PPP2R3B: variants seen among roughly 807,000 people sequenced by gnomAD.
The protein encoded by PPP2R3B is protein phosphatase 2 regulatory subunit B''beta.
In PPP2R3B, 68 loss-of-function variants were observed where a neutral mutation model predicts 72.9. That is an observed-to-expected ratio of 0.93 (90% CI 0.77 to 1.14). The LOEUF is 1.14. Ranked by LOEUF, PPP2R3B falls within the 50% of genes most tolerant of loss-of-function variation. The pLI, the probability that PPP2R3B is intolerant of heterozygous loss-of-function variation, is 0.00. For missense variants in PPP2R3B, 1,018 were observed against 842.0 expected (o/e 1.21, Z -2.59); for synonymous variants, 466 against 375.8 (o/e 1.24, Z -2.78).
intron 1 of PPP2R3B, among the ~76,000 whole-genome samples, chrX:369,884 G>C (rs867186701): frequency 6.6e-6 from 1 of 152,228 alleles, no homozygotes; most frequent in Non-Finnish European, 1.5e-5. Flanking sequence ...AGCGGGAGGC[G>C]GAAGCACGGG....
At chrX:359,354 G>A (rs1481150782) in intron 2 of PPP2R3B, among the ~76,000 whole-genome samples, 1 of 152,186 alleles carries the variant, frequency 6.6e-6, no homozygotes, top group Non-Finnish European at 1.5e-5. Flanking sequence ...GAGTCTGCCA[G>A]GGCACGGAGC....
intron 2 of PPP2R3B, among the ~76,000 whole-genome samples, chrX:355,713 T>C (rs985258501): frequency 6.6e-6 from 1 of 151,798 alleles, no homozygotes; most frequent in African/African-American, 2.4e-5. Flanking sequence ...TTTCCCATAA[T>C]AAAAAAAAGT....
intron 2 of PPP2R3B, among the ~76,000 whole-genome samples, chrX:350,210 C>G (rs2071299845): frequency 6.6e-6 from 1 of 152,048 alleles, no homozygotes; most frequent in African/African-American, 2.4e-5. Flanking sequence ...CGTGGAATAT[C>G]CACAGGCAAA....
At chrX:354,088 C>A (rs1392071848) in intron 2 of PPP2R3B, among the ~76,000 whole-genome samples, 1 of 137,306 alleles carries the variant, frequency 7.3e-6, no homozygotes, top group Non-Finnish European at 1.5e-5. Flanking sequence ...GGGGCTCACC[C>A]AGGGACCAGG....
At chrX:372,614 G>A (rs2071890722) in intron 1 of PPP2R3B, among the ~76,000 whole-genome samples, 3 of 152,160 alleles carry the variant, frequency 2.0e-5, no homozygotes, top group Admixed American at 2.0e-4. Flanking sequence ...CAATATACAC[G>A]GGGTACAGAC....
At chrX:341,491 C>T in intron 8 of PPP2R3B, 95 bp from the exon 9 acceptor site, 2 of 1,309,096 alleles carry the variant, frequency 1.5e-6, no homozygotes, top group South Asian at 2.4e-5. Context: ...TGAGGGGAGC[C>T]CCCCGGGCCC....
intron 1 of PPP2R3B, among the ~76,000 whole-genome samples, chrX:363,462 T>A (rs2071595538): frequency 1.4e-5 from 2 of 146,962 alleles, no homozygotes; most frequent in African/African-American, 5.2e-5. Flanking sequence ...GAGCCCACCA[T>A]CCCACAATGC....
intron 7 of PPP2R3B, 105 bp from the exon 8 acceptor site, chrX:342,036 G>A: frequency 7.0e-7 from 1 of 1,423,608 alleles, no homozygotes; most frequent in African/African-American, 1.4e-5. Flanking sequence ...AAAGCTGAGA[G>A]GACGCCTGGG....
rs772634843 is a variant in PPP2R3B, at chrX:347,100, T to G, written c.717+134A>C. On this transcript the variant is annotated intron_variant, in intron 4 of 12. Coordinates refer to ENST00000390665, the MANE Select transcript of PPP2R3B (RefSeq NM_013239.5). The stretch of plus-strand genomic sequence containing the variant: ...TAGACGCGGGCCCTCCCATGAGGTG[T>G]GCGGTGTAGACGCGGACCCTCCCGT... 3 of 1,088,940 alleles carry G rather than the reference T, an allele frequency of 2.8e-6. No homozygotes were observed. The East Asian group carries it at 7.3e-5, about 26-fold the overall frequency. The allele number at this position is 1,088,940 out of a possible 1,614,324, so 67.5% of individuals were successfully genotyped here. A position where few individuals can be genotyped will look rare whatever the true frequency, so the allele number is the denominator to read the frequency against.
chrX:341,812 C>G lies in PPP2R3B; in HGVS notation c.1085+71G>C. On this transcript the variant is annotated intron_variant, in intron 8 of 12. Transcript: ENST00000390665. ...CGGGGCACAAAAAGCTCACGTCAGG[C>G]AACGATGAGGAGAGGGACCGGGGTC... 2.6e-6 allele frequency: 4 copies of G among 1,539,874 alleles called. No homozygotes were observed. In the South Asian group the frequency reaches 4.5e-5, roughly 17 times the overall value.
rs1040999180 is a variant in PPP2R3B at position 334,002 on chromosome X, G to C, written c.*365C>G. ...TTTACACAAAACATTCACACAGCCTGTGGTGGAGGCTCCTGTCCAGGACTG... is the reference window on the plus strand; with the variant it reads ...TTTACACAAAACATTCACACAGCCTCTGGTGGAGGCTCCTGTCCAGGACTG... On this transcript the variant is annotated 3_prime_UTR_variant, in exon 13 of 13. Transcript: ENST00000390665. 1.4e-5 allele frequency: 3 copies of C among 219,512 alleles called. No homozygotes were observed. The highest frequency in any genetic ancestry group is 6.8e-5 in the African/African-American group (3 of 43,858). 13.6% of individuals were successfully genotyped at this position (219,512 alleles called of 1,614,324 possible).
Position 345,677 on chromosome X carries a change from C to A in PPP2R3B, c.880-5G>T. 6.2e-7 allele frequency: 1 copy of A among 1,604,582 alleles called. No homozygotes were observed. The highest frequency in any genetic ancestry group is 8.5e-7 in the Non-Finnish European group (1 of 1,174,586). ...CTCCTCCAGCAGCGCCACATTCTGC[C>A]AAAGGACCCAGGCGGCCTGAGCGCG... On this transcript the variant is annotated splice_region_variant and splice_polypyrimidine_tract_variant and intron_variant, in intron 6 of 12. Transcript: ENST00000390665.
intron 2 of PPP2R3B, among the ~76,000 whole-genome samples, chrX:351,530 G>A (rs1460505886): frequency 1.3e-4 from 19 of 151,016 alleles, no homozygotes; most frequent in African/African-American, 4.1e-4. Context: ...TGATCACAGC[G>A]TGATCCATTT....
intron 1 of PPP2R3B, among the ~76,000 whole-genome samples, chrX:363,286 G>GATCCCGCAGTGCATCTCCCCGAGCCCACC (rs1223705540): frequency 6.0e-4 from 71 of 118,902 alleles, no homozygotes; most frequent in African/African-American, 9.9e-4. Flanking sequence ...CCGAGCCCAC[G>GATCCCGCAGTGCATCTCCCCGAGCCCACC]ATCCCGCAGT....
intron 1 of PPP2R3B, among the ~76,000 whole-genome samples, chrX:367,751 C>T (rs2071753544): frequency 6.6e-6 from 1 of 152,200 alleles, no homozygotes; most frequent in Non-Finnish European, 1.5e-5. Flanking sequence ...AGACAAAGGT[C>T]TGACTGCAGA....
rs28671103 is a variant in PPP2R3B at position 362,506 on chromosome X, C to T, written c.325-916G>A. On this transcript the variant is annotated intron_variant, in intron 1 of 12. Transcript: ENST00000390665. The stretch of plus-strand genomic sequence containing the variant: ...GTCCTTCCCCATCAACTACTCGGGA[C>T]GAGGCTTCGTCCTCCCCCATCAACT... Among the ~76,000 whole-genome samples, 853 of 150,638 alleles carry T rather than the reference C, an allele frequency of 5.7e-3. 9 individuals carry two copies. Among genetic ancestry groups the T allele is most frequent in the African/African-American group, 0.019 (788 of 40,938 alleles).
Position 341,461 on chromosome X carries a change from C to A in PPP2R3B, c.1086-65G>T, listed in dbSNP as rs1340991314. 17 of 1,548,824 alleles carry A rather than the reference C, an allele frequency of 1.1e-5. No homozygotes were observed. The Admixed American group carries it at 1.2e-4, about 11-fold the overall frequency. ...CAGGGAGAGCTTCACAGGAACGGAG[C>A]CCCTGTCCACGCGCCTCGGTGAGGG... On this transcript the variant is annotated intron_variant, in intron 8 of 12. Transcript: ENST00000390665.
chrX:370,066 G>A (rs971848865), intron 1 of PPP2R3B, among the ~76,000 whole-genome samples: 11 of 152,184 alleles, frequency 7.2e-5, no homozygotes, highest in South Asian at 2.1e-4. Context: ...CCCTCTGAGA[G>A]GGCTGGTAGA....
chrX:381,710 T>C (rs963012716), intron 1 of PPP2R3B, among the ~76,000 whole-genome samples: 4 of 150,100 alleles, frequency 2.7e-5, no homozygotes, highest in Admixed American at 6.7e-5. Context: ...GCCATTCTCC[T>C]GCCTCAGCCT....
Sources: gnomAD v4.1 joint callset for allele counts (sites outside exome capture counted in the v4.1 genomes callset) on GRCh38, gnomAD v4.1.1 for gene constraint, MANE v1.5 for transcripts, NCBI Gene and HGNC (gene_info 2026-07-23, HGNC 2026-07-21) for gene names.